Variants in RASAL2 observed in about 807,000 individuals in gnomAD.
The protein encoded by RASAL2 is ras GTPase-activating protein nGAP.
RASAL2 carries 58 observed loss-of-function variants against 128.9 expected under a neutral mutation model. The observed-to-expected ratio is 0.45, with a 90% CI of 0.36 to 0.56. The LOEUF (loss-of-function observed/expected upper bound fraction) is 0.56. Ranked by LOEUF, RASAL2 falls within the 20% of genes least tolerant of loss-of-function variation. The pLI is 0.00. For missense variants in RASAL2, 1,360 were observed against 1,601.6 expected (o/e 0.85, Z 2.57); for synonymous variants, 561 against 580.8 (o/e 0.97, Z 0.49).
chr1:178,470,973 G>C (rs1228312204), intron 17 of RASAL2, among the ~76,000 whole-genome samples: 1 of 152,110 alleles, frequency 6.6e-6, no homozygotes, highest in African/African-American at 2.4e-5. Context: ...TGAGAGGTTG[G>C]CAATAGGGGG....
intron 1 of RASAL2, among the ~76,000 whole-genome samples, chr1:178,138,323 A>C (rs1338220561): frequency 1.3e-5 from 2 of 152,214 alleles, no homozygotes; most frequent in Non-Finnish European, 2.9e-5. Context: ...CATATGAATG[A>C]TATCATATAC....
chr1:178,451,644 A>G lies in RASAL2; in HGVS notation c.1701A>G (p.Glu567=). The stretch of plus-strand genomic sequence containing the variant: ...ATCCCAGCAAATGTTCATCTAGTGA[A>G]CTGATAGACCATCAGAGCAACCTGA... ...EVDPSKCSSS[E]LIDHQSNLKM... Residue 567 remains glutamate, a synonymous_variant, in exon 10 of 18, where the codon GAA becomes GAG. Transcript: ENST00000367649. 1 of 1,613,912 alleles carries G rather than the reference A, an allele frequency of 6.2e-7. No individual in the cohort carries two copies. The highest frequency in any genetic ancestry group is 1.1e-5 in the South Asian group (1 of 91,072).
At chr1:178,383,621 T>C (rs1206437177) in intron 3 of RASAL2, among the ~76,000 whole-genome samples, 1 of 152,194 alleles carries the variant, frequency 6.6e-6, no homozygotes, top group Admixed American at 6.5e-5. Flanking sequence ...CATTTGTTAT[T>C]AAAGCCCCTC....
rs148830591 is a variant in RASAL2, at chr1:178,369,367, G to A, written c.458-20733G>A. On this transcript the variant is annotated intron_variant, in intron 3 of 17. Transcript: ENST00000367649. ...CTCCCGAGTAGCTGGGATTACAGGCGTGCACCACCACGCCTGGCTAGTTTT... is the reference window on the plus strand; with the variant it reads ...CTCCCGAGTAGCTGGGATTACAGGCATGCACCACCACGCCTGGCTAGTTTT... 5.5e-3 allele frequency among the ~76,000 whole-genome samples: 843 copies of A among 152,008 alleles called. 11 individuals are homozygous for A. Among genetic ancestry groups the A allele is most frequent in the African/African-American group, 0.019 (788 of 41,452 alleles).
At chr1:178,247,464 C>G (rs1378639336) in intron 1 of RASAL2, among the ~76,000 whole-genome samples, 3 of 151,678 alleles carry the variant, frequency 2.0e-5, no homozygotes. Context: ...TGATTCTTCT[C>G]TCTTATTAGT....
At chr1:178,137,604 T>C (rs1190892363) in intron 1 of RASAL2, among the ~76,000 whole-genome samples, 1 of 152,198 alleles carries the variant, frequency 6.6e-6, no homozygotes, top group African/African-American at 2.4e-5. Flanking sequence ...TAGTAGGACA[T>C]AATATTGGGC....
chr1:178,333,633 A>G (rs1311224316), intron 3 of RASAL2, among the ~76,000 whole-genome samples: 5 of 152,194 alleles, frequency 3.3e-5, no homozygotes, highest in African/African-American at 9.7e-5. Flanking sequence ...ATGAGTTCAA[A>G]AACCCAAGCC....
intron 4 of RASAL2, among the ~76,000 whole-genome samples, chr1:178,399,548 GC>G (rs138861848): frequency 2.3e-3 from 343 of 152,250 alleles, no homozygotes; most frequent in African/African-American, 7.9e-3. Flanking sequence ...GACGCCCACT[GC>G]TGAGTCATAG....
intron 1 of RASAL2, among the ~76,000 whole-genome samples, chr1:178,269,170 C>G (rs1164519914): frequency 6.6e-6 from 1 of 152,190 alleles, no homozygotes; most frequent in Non-Finnish European, 1.5e-5. Flanking sequence ...GATCTCTCTT[C>G]CCCATGTGAG....
At chr1:178,152,224 T>G (rs1248580749) in intron 1 of RASAL2, among the ~76,000 whole-genome samples, 1 of 152,074 alleles carries the variant, frequency 6.6e-6, no homozygotes, top group African/African-American at 2.4e-5. Flanking sequence ...ACAGCAGTGT[T>G]TGGTGAACTT....
intron 8 of RASAL2, among the ~76,000 whole-genome samples, chr1:178,445,017 G>A (rs1319730541): frequency 6.6e-6 from 1 of 152,016 alleles, no homozygotes; most frequent in Non-Finnish European, 1.5e-5. Context: ...GGCAATGTTG[G>A]TCAGGGACAC....
chr1:178,311,544 GA>G (rs77606638), intron 3 of RASAL2, among the ~76,000 whole-genome samples: 274 of 146,072 alleles, frequency 1.9e-3, no homozygotes, highest in African/African-American at 6.1e-3. Context: ...TCTTTGGAGG[GA>G]AAAAAAAAAG....
chr1:178,209,675 T>C (rs1023361227), intron 1 of RASAL2, among the ~76,000 whole-genome samples: 2 of 152,052 alleles, frequency 1.3e-5, no homozygotes, highest in African/African-American at 4.8e-5. Flanking sequence ...TTATATCTCC[T>C]TTTCTCTCTT....
chr1:178,452,143 G>A (rs1299092471), intron 10 of RASAL2, among the ~76,000 whole-genome samples: 1 of 152,138 alleles, frequency 6.6e-6, no homozygotes, highest in African/African-American at 2.4e-5. Flanking sequence ...AGATGGTTTA[G>A]TCAGGAGCCT....
intron 1 of RASAL2, among the ~76,000 whole-genome samples, chr1:178,118,727 G>A (rs1435963871): frequency 2.0e-5 from 3 of 152,130 alleles, no homozygotes; most frequent in Non-Finnish European, 4.4e-5. Flanking sequence ...TTCACTCATC[G>A]CCCTCATAGT....
At chr1:178,318,423 A>C (rs369284788) in intron 3 of RASAL2, among the ~76,000 whole-genome samples, 4 of 152,074 alleles carry the variant, frequency 2.6e-5, no homozygotes, top group Non-Finnish European at 4.4e-5. Flanking sequence ...AATGTGTGGG[A>C]GTCTAAATCT....
intron 17 of RASAL2, among the ~76,000 whole-genome samples, chr1:178,470,086 TG>T (rs1256038052): frequency 1.3e-5 from 2 of 152,258 alleles, no homozygotes; most frequent in African/African-American, 4.8e-5. Context: ...TGGCATTCTT[TG>T]TAATGAATGA....
intron 1 of RASAL2, among the ~76,000 whole-genome samples, chr1:178,188,502 G>A (rs895432660): frequency 6.6e-6 from 1 of 152,160 alleles, no homozygotes; most frequent in Non-Finnish European, 1.5e-5. Flanking sequence ...AGGAGGGCAA[G>A]TTCAGTATCG....
At chr1:178,094,788 A>G in intron 1 of RASAL2, 94 bp downstream of exon 1, 4 of 1,464,406 alleles carry the variant, frequency 2.7e-6, no homozygotes, top group Admixed American at 1.9e-5. Context: ...CCCAGTCCTC[A>G]TCCGTGCTAG....
Sources: gnomAD v4.1 joint callset for allele counts (sites outside exome capture counted in the v4.1 genomes callset) on GRCh38, gnomAD v4.1.1 for gene constraint, MANE v1.5 for transcripts, NCBI Gene and HGNC (gene_info 2026-07-23, HGNC 2026-07-21) for gene names.